Variants in TBC1D14 observed in about 807,000 individuals in gnomAD.
TBC1D14 encodes the protein TBC1 domain family member 14, also known as TBC1 domain family, member 14.
In TBC1D14, 26 loss-of-function variants were observed where a neutral mutation model predicts 79.0. The ratio of observed to expected loss-of-function variants is 0.33; its 90% CI spans 0.24 to 0.46. The LOEUF is 0.46. TBC1D14 is among the 20% of genes least tolerant of loss of function. The pLI, the probability that TBC1D14 is intolerant of heterozygous loss-of-function variation, is 1.00. For synonymous variants in TBC1D14, 394 were observed against 349.9 expected (o/e 1.13, Z -1.40); for missense variants, 769 against 887.6 (o/e 0.87, Z 1.70).
intron 11 of TBC1D14, among the ~76,000 whole-genome samples, chr4:7,011,890 G>A (rs1256641083): frequency 6.6e-6 from 1 of 151,942 alleles, no homozygotes; most frequent in African/African-American, 2.4e-5. Flanking sequence ...ATTATTACCA[G>A]TACTTCAAGA....
At chr4:6,941,984 C>T (rs528845740) in intron 2 of TBC1D14, among the ~76,000 whole-genome samples, 4 of 152,288 alleles carry the variant, frequency 2.6e-5, no homozygotes, top group South Asian at 4.1e-4. Context: ...CAGGAATACA[C>T]GGGCTTTGAG....
chr4:7,022,990 TC>T (rs1721980255), intron 12 of TBC1D14, among the ~76,000 whole-genome samples: 1 of 152,190 alleles, frequency 6.6e-6, no homozygotes, highest in Non-Finnish European at 1.5e-5. Context: ...GCGTGGTGGC[TC>T]ACGCCTGTAA....
chr4:7,005,735 G>A (rs1282664794), intron 8 of TBC1D14, among the ~76,000 whole-genome samples: 1 of 151,780 alleles, frequency 6.6e-6, no homozygotes, highest in South Asian at 2.1e-4. Context: ...CAGTTCCTGC[G>A]AGGTGTTTGT....
intron 9 of TBC1D14, among the ~76,000 whole-genome samples, chr4:7,007,191 G>A (rs575792002): frequency 3.9e-5 from 6 of 152,310 alleles, no homozygotes; most frequent in South Asian, 4.1e-4. Flanking sequence ...TGGCCAAGCC[G>A]GGGTGACAGG....
intron 4 of TBC1D14, among the ~76,000 whole-genome samples, chr4:6,995,898 G>A (rs1477510090): frequency 6.6e-6 from 1 of 151,586 alleles, no homozygotes; most frequent in Non-Finnish European, 1.5e-5. Flanking sequence ...GTGCAGTGGC[G>A]CGATCTCAGC....
At chr4:7,015,953 A>G (rs35921806) in intron 12 of TBC1D14, among the ~76,000 whole-genome samples, 1 of 152,182 alleles carries the variant, frequency 6.6e-6, no homozygotes, top group Non-Finnish European at 1.5e-5. Flanking sequence ...ATGTCAAACC[A>G]CTGTGAACAG....
intron 3 of TBC1D14, among the ~76,000 whole-genome samples, chr4:6,973,086 G>A (rs942332922): frequency 6.6e-6 from 1 of 152,222 alleles, no homozygotes; most frequent in South Asian, 2.1e-4. Flanking sequence ...GGATAGGCTT[G>A]TAGGTTTCAG....
intron 2 of TBC1D14, among the ~76,000 whole-genome samples, chr4:6,965,618 T>C (rs1253663933): frequency 6.6e-6 from 1 of 152,240 alleles, no homozygotes. Context: ...CATAGCTCAC[T>C]GTAACCTTGA....
chr4:6,958,225 G>A (rs1577084778), intron 2 of TBC1D14, among the ~76,000 whole-genome samples: 1 of 152,096 alleles, frequency 6.6e-6, no homozygotes, highest in East Asian at 2.0e-4. Context: ...AGTTAGAGCC[G>A]GAGTCTGCAG....
In TBC1D14 at chr4:6,927,328, G is replaced by C. The variant is rs982036187; in HGVS notation, c.722+3217G>C. 2.0e-5 allele frequency among the ~76,000 whole-genome samples: 3 copies of C among 152,218 alleles called. No homozygotes were observed. The East Asian group carries it at 5.8e-4, about 29-fold the overall frequency. On this transcript the variant is annotated intron_variant, in intron 2 of 13. Coordinates refer to ENST00000409757, the MANE Select transcript of TBC1D14 (RefSeq NM_020773.3). Reference sequence around the variant, plus strand: ...GGGTGGCACCGCAGCCGAGAGTGCTGGTTCAGGAGTTCATGCTGGCTGGGT... The same window carrying C: ...GGGTGGCACCGCAGCCGAGAGTGCTCGTTCAGGAGTTCATGCTGGCTGGGT...
At chr4:6,947,592 G>A (rs1713604676) in intron 2 of TBC1D14, among the ~76,000 whole-genome samples, 1 of 151,766 alleles carries the variant, frequency 6.6e-6, no homozygotes, top group African/African-American at 2.4e-5. Context: ...AACCCGGGAG[G>A]CGGAGGTTGT....
intron 9 of TBC1D14, among the ~76,000 whole-genome samples, chr4:7,007,789 C>A (rs1248370880): frequency 2.0e-5 from 3 of 152,208 alleles, no homozygotes; most frequent in African/African-American, 7.2e-5. Context: ...TGCTTTGCAG[C>A]CCCTGCATCG....
intron 3 of TBC1D14, among the ~76,000 whole-genome samples, 173 bp downstream of exon 3, chr4:6,967,597 C>T (rs1715817053): frequency 6.6e-6 from 1 of 152,224 alleles, no homozygotes; most frequent in African/African-American, 2.4e-5. Context: ...ATTTAACCTT[C>T]ATTTCTTACA....
chr4:7,028,060 CCACA>C (rs1204960297), intron 13 of TBC1D14, among the ~76,000 whole-genome samples: 13 of 145,784 alleles, frequency 8.9e-5, no homozygotes, highest in Non-Finnish European at 2.0e-4. Context: ...CATTGCATAC[CCACA>C]CACACACCTA....
At chr4:6,988,490 G>C (rs921345347) in intron 3 of TBC1D14, among the ~76,000 whole-genome samples, 4 of 152,170 alleles carry the variant, frequency 2.6e-5, no homozygotes, top group African/African-American at 9.7e-5. Context: ...CGCTTCCCTG[G>C]GTCCTCAGCC....
Position 6,955,381 on chromosome 4 carries a change from C to G in TBC1D14, c.723-11923C>G, listed in dbSNP as rs371391426. On this transcript the variant is annotated intron_variant, in intron 2 of 13. Coordinates refer to ENST00000409757, the MANE Select transcript of TBC1D14 (RefSeq NM_020773.3). ...CCTCGCTGGGCCTCGGTGTCCTGTC[C>G]GTACGGTGGCGGCTGTAATACCTTT... is the stretch of plus-strand genomic sequence containing the variant. 4.6e-5 allele frequency among the ~76,000 whole-genome samples: 7 copies of G among 152,246 alleles called. No homozygotes were observed. In the South Asian group the frequency reaches 1.5e-3, roughly 32 times the overall value.
rs140102409 is a variant in TBC1D14 at position 6,928,391 on chromosome 4, G to A, written c.722+4280G>A. 3.9e-3 allele frequency among the ~76,000 whole-genome samples: 594 copies of A among 152,306 alleles called. 4 individuals carry two copies. The highest frequency in any genetic ancestry group is 0.013 in the African/African-American group (531 of 41,562). ...TAATTCACAGGCAGAGAAGAATATT[G>A]GTGGTTGAGAGCAGGGGCTGCTCTG... On this transcript the variant is annotated intron_variant, in intron 2 of 13. Coordinates refer to ENST00000409757, the MANE Select transcript of TBC1D14 (RefSeq NM_020773.3).
intron 13 of TBC1D14, among the ~76,000 whole-genome samples, chr4:7,028,863 G>T (rs1577201005): frequency 6.6e-6 from 1 of 151,438 alleles, no homozygotes; most frequent in Non-Finnish European, 1.5e-5. Flanking sequence ...TTGAGACAGA[G>T]TCTCACTCTC....
chr4:7,029,021 T>C (rs1490439401), intron 13 of TBC1D14, among the ~76,000 whole-genome samples: 1 of 152,024 alleles, frequency 6.6e-6, no homozygotes, highest in African/African-American at 2.4e-5. Context: ...TTTGTTTTTG[T>C]AGAGATTTGT....
Sources: gnomAD v4.1 joint callset for allele counts (sites outside exome capture counted in the v4.1 genomes callset) on GRCh38, gnomAD v4.1.1 for gene constraint, MANE v1.5 for transcripts, NCBI Gene and HGNC (gene_info 2026-07-23, HGNC 2026-07-21) for gene names.